PIAS1: variants seen among roughly 807,000 people sequenced by gnomAD.
The protein encoded by PIAS1 is E3 SUMO-protein ligase PIAS1.
In PIAS1, 6 loss-of-function variants were observed where a neutral mutation model predicts 71.3. The observed-to-expected ratio is 0.08, with a 90% CI of 0.05 to 0.17. The LOEUF is 0.17. Ranked by LOEUF, PIAS1 falls within the 10% of genes least tolerant of loss-of-function variation. PIAS1 has a pLI of 1.00. For synonymous variants in PIAS1, 303 were observed against 292.9 expected (o/e 1.03, Z -0.35); for missense variants, 555 against 793.6 (o/e 0.70, Z 3.61).
intron 8 of PIAS1, among the ~76,000 whole-genome samples, chr15:68,170,012 A>G (rs2141085174): frequency 6.6e-6 from 1 of 152,268 alleles, no homozygotes; most frequent in East Asian, 1.9e-4. Context: ...ACTGAGTATG[A>G]CCTGCATACC....
chr15:68,106,002 T>A (rs1330236727), intron 2 of PIAS1, among the ~76,000 whole-genome samples: 2 of 152,136 alleles, frequency 1.3e-5, no homozygotes, highest in East Asian at 3.8e-4. Context: ...ATTTAAAAAA[T>A]GATGTTTACC....
chr15:68,147,753 A>C (rs1357517456), intron 6 of PIAS1, among the ~76,000 whole-genome samples: 1 of 151,926 alleles, frequency 6.6e-6, no homozygotes, highest in Non-Finnish European at 1.5e-5. Context: ...ATGTGAGGTA[A>C]AAATTGCTTT....
chr15:68,077,159 C>T (rs1436449502), intron 1 of PIAS1, among the ~76,000 whole-genome samples: 1 of 152,188 alleles, frequency 6.6e-6, no homozygotes, highest in African/African-American at 2.4e-5. Context: ...ATGCAGCCCC[C>T]TCCCTGCTGA....
intron 2 of PIAS1, among the ~76,000 whole-genome samples, chr15:68,101,187 A>G (rs2092422146): frequency 1.3e-5 from 2 of 152,176 alleles, no homozygotes; most frequent in Admixed American, 6.5e-5. Context: ...GGTGTGAGCC[A>G]CCGTGGCTGG....
chr15:68,118,283 T>C (rs191232147), intron 2 of PIAS1, among the ~76,000 whole-genome samples: 137 of 150,756 alleles, frequency 9.1e-4, no homozygotes, highest in African/African-American at 3.3e-3. Context: ...ATTGCGCCAC[T>C]ACACCCCAGC....
At chr15:68,179,524 C>G (rs778002671) in intron 11 of PIAS1, among the ~76,000 whole-genome samples, 27 of 136,634 alleles carry the variant, frequency 2.0e-4, no homozygotes, top group Non-Finnish European at 2.9e-4. Flanking sequence ...AACTGGAACT[C>G]TATTCCTAGA....
Position 68,171,206 on chromosome 15 carries a change from C to G in PIAS1, c.1009-2526C>G, listed in dbSNP as rs187079193. ...TCCGGATCATCAGTATCACTACTTTCCACCTCCACATCTTTTCCCACTGGA... is the reference window on the plus strand; with the variant it reads ...TCCGGATCATCAGTATCACTACTTTGCACCTCCACATCTTTTCCCACTGGA... On this transcript the variant is annotated intron_variant, in intron 8 of 13. Transcript: ENST00000249636. The surrounding 1 kb of genome is among the most constrained non-coding windows in gnomAD (Gnocchi z 4.4). Among the ~76,000 whole-genome samples, 1 of 152,156 alleles carries G rather than the reference C, an allele frequency of 6.6e-6. No homozygotes were observed. Among genetic ancestry groups the G allele is most frequent in the Admixed American group, 6.5e-5 (1 of 15,274 alleles).
At chr15:68,128,093 G>A (rs1168579956) in intron 2 of PIAS1, among the ~76,000 whole-genome samples, 1 of 151,984 alleles carries the variant, frequency 6.6e-6, no homozygotes, top group Non-Finnish European at 1.5e-5. Flanking sequence ...TTTTGTTTAG[G>A]CAGTTCAACT....
chr15:68,138,169 ACC>A (rs2141042435), intron 2 of PIAS1, among the ~76,000 whole-genome samples: 1 of 152,176 alleles, frequency 6.6e-6, no homozygotes, highest in African/African-American at 2.4e-5. Flanking sequence ...AGAAAAAATA[ACC>A]AAAGAAATAA....
chr15:68,076,954 T>C (rs2092172639), intron 1 of PIAS1, among the ~76,000 whole-genome samples: 1 of 152,124 alleles, frequency 6.6e-6, no homozygotes, highest in African/African-American at 2.4e-5. Context: ...TAGGATACAA[T>C]TTTTCAAAAG....
Position 68,187,890 on chromosome 15 carries a change from A to G in PIAS1, c.*55A>G. The G allele has an allele frequency of 6.6e-7, 1 of 1,509,902 alleles. No individual in the cohort carries two copies. Among genetic ancestry groups the G allele is most frequent in the Non-Finnish European group, 9.1e-7 (1 of 1,100,888 alleles). 93.5% of individuals were successfully genotyped at this position (1,509,902 alleles called of 1,614,324 possible). A position where few individuals can be genotyped will look rare whatever the true frequency, so the allele number is the denominator to read the frequency against. On this transcript the variant is annotated 3_prime_UTR_variant, in exon 14 of 14. Transcript: ENST00000249636. This position sits in a 1 kb window ranked among gnomAD's most constrained non-coding sequence, Gnocchi z 5.3. ...CCCAGATCGAATGAACTTGGCAGAA[A>G]GAAGAGAACTTTGTGCTCTGTTTTA...
intron 13 of PIAS1, chr15:68,184,215 AAATT>A (rs1423666964): frequency 6.6e-6 from 1 of 152,296 alleles, no homozygotes; most frequent in Non-Finnish European, 1.5e-5. Flanking sequence ...ACATGGAAAA[AAATT>A]AAGTGATTAA....
chr15:68,070,040 A>G (rs536912005), intron 1 of PIAS1, among the ~76,000 whole-genome samples: 141 of 152,252 alleles, frequency 9.3e-4, no homozygotes, highest in African/African-American at 3.4e-3. Flanking sequence ...TAGTTTTTGG[A>G]GGAAGGAGAT....
chr15:68,089,020 A>T (rs1158160327), intron 2 of PIAS1, among the ~76,000 whole-genome samples: 2 of 152,220 alleles, frequency 1.3e-5, no homozygotes, highest in African/African-American at 2.4e-5. Flanking sequence ...GATCACAACT[A>T]TCACTGAGTC....
At chr15:68,090,233 C>T (rs1039653166) in intron 2 of PIAS1, among the ~76,000 whole-genome samples, 8 of 151,814 alleles carry the variant, frequency 5.3e-5, no homozygotes, top group South Asian at 2.1e-4. Flanking sequence ...GACAGGGTTT[C>T]GCTCTGTCAT....
chr15:68,126,632 G>C (rs887931856), intron 2 of PIAS1, among the ~76,000 whole-genome samples: 3 of 151,904 alleles, frequency 2.0e-5, no homozygotes, highest in African/African-American at 7.2e-5. Context: ...TAGTAGAGGC[G>C]GGGTTTCACC....
chr15:68,087,421 G>A lies in PIAS1; in HGVS notation c.469+671G>A, dbSNP rs539706972. 6.6e-5 allele frequency among the ~76,000 whole-genome samples: 10 copies of A among 152,086 alleles called. No individual in the cohort carries two copies. The South Asian group carries it at 2.1e-3, about 32-fold the overall frequency. On this transcript the variant is annotated intron_variant, in intron 2 of 13. Transcript: ENST00000249636. Reference sequence around the variant, plus strand: ...TATAATGCTACCTTATTTATTTAACGTAGAATAAAACTCAACTGTTGTGAC... The same window carrying A: ...TATAATGCTACCTTATTTATTTAACATAGAATAAAACTCAACTGTTGTGAC...
At chr15:68,109,864 A>G (rs2092506877) in intron 2 of PIAS1, among the ~76,000 whole-genome samples, 2 of 152,280 alleles carry the variant, frequency 1.3e-5, no homozygotes, top group South Asian at 2.1e-4. Context: ...ATGTCTACTC[A>G]CTTTTGTATA....
At chr15:68,071,785 A>G (rs1310067938) in intron 1 of PIAS1, among the ~76,000 whole-genome samples, 1 of 151,222 alleles carries the variant, frequency 6.6e-6, no homozygotes, top group African/African-American at 2.4e-5. Flanking sequence ...GGCCAACTCT[A>G]CAAAAAACAG....
Sources: gnomAD v4.1 joint callset for allele counts (sites outside exome capture counted in the v4.1 genomes callset) on GRCh38, gnomAD v4.1.1 for gene constraint, Gnocchi (gnomAD v3.1) non-coding constraint, MANE v1.5 for transcripts, NCBI Gene and HGNC (gene_info 2026-07-23, HGNC 2026-07-21) for gene names.